Variants in UNC13C observed in about 807,000 individuals in gnomAD.
UNC13C encodes protein unc-13 homolog C.
A neutral mutation model predicts 245.4 loss-of-function variants in UNC13C; 174 were observed. The ratio of observed to expected loss-of-function variants is 0.71; its 90% CI spans 0.63 to 0.80. UNC13C has a LOEUF of 0.80. Ranked by LOEUF, UNC13C falls within the 30% of genes least tolerant of loss-of-function variation. The pLI is 0.00. For synonymous variants in UNC13C, 992 were observed against 895.1 expected, an observed-to-expected ratio of 1.11 and a Z score of -1.93; for missense variants, 2,829 against 2,602.9, an observed-to-expected ratio of 1.09 and a Z score of -1.89.
Position 54,015,489 on chromosome 15 carries a change from G to A in UNC13C, c.2586G>A (p.Glu862=), listed in dbSNP as rs369147613. The A allele has an allele frequency of 9.3e-6, 15 of 1,612,780 alleles. No individual in the cohort carries two copies. The highest frequency in any genetic ancestry group is 1.0e-5 in the Non-Finnish European group (12 of 1,179,102). The change falls in exon 2 of 33, where the codon GAG becomes GAA. Residue 862 remains glutamate, a synonymous_variant. Transcript: ENST00000260323. ...CGGAGCCCTATTACTATAAAGCAGAGGATGAGGAAGATTATACTGAACCAG... is the reference window on the plus strand; with the variant it reads ...CGGAGCCCTATTACTATAAAGCAGAAGATGAGGAAGATTATACTGAACCAG... ...VYTEPYYYKA[E]DEEDYTEPVA...
At chr15:54,063,513 A>AT (rs202099943) in intron 2 of UNC13C, among the ~76,000 whole-genome samples, 40 of 149,894 alleles carry the variant, frequency 2.7e-4, no homozygotes, top group Admixed American at 6.0e-4. Flanking sequence ...TGGTTATTTG[A>AT]TTTTTTTTTT....
At chr15:54,163,792 G>A (rs1432396849) in intron 4 of UNC13C, among the ~76,000 whole-genome samples, 2 of 152,154 alleles carry the variant, frequency 1.3e-5, no homozygotes, top group Non-Finnish European at 2.9e-5. Context: ...AATAATTTTG[G>A]AGAGTGAAGT....
Position 54,627,229 on chromosome 15 carries a change from A to G in UNC13C, c.*116A>G. The G allele has an allele frequency of 9.0e-7, 1 of 1,105,982 alleles. No individual in the cohort carries two copies. The highest frequency in any genetic ancestry group is 1.3e-6 in the Non-Finnish European group (1 of 797,014). The allele number at this position is 1,105,982 out of a possible 1,614,324, so 68.5% of individuals were successfully genotyped here. A position where few individuals can be genotyped will look rare whatever the true frequency, so the allele number is the denominator to read the frequency against. ...CAATGTTTGCCAGTACTCATGTACG[A>G]TGTCTACAAGGTATGTAAAAAACCT... On this transcript the variant is annotated 3_prime_UTR_variant, in exon 33 of 33. Coordinates refer to ENST00000260323, the MANE Select transcript of UNC13C (RefSeq NM_001080534.3).
chr15:54,021,467 A>C (rs1214153081), intron 2 of UNC13C, among the ~76,000 whole-genome samples: 1 of 152,190 alleles, frequency 6.6e-6, no homozygotes, highest in Non-Finnish European at 1.5e-5. Flanking sequence ...TGCCTGACTT[A>C]TTTCACTTAG....
intron 25 of UNC13C, among the ~76,000 whole-genome samples, chr15:54,526,740 GAAAAAAAAAAAAA>G (rs1164016477): frequency 1.2e-3 from 77 of 63,114 alleles, no homozygotes; most frequent in African/African-American, 3.9e-3. Context: ...ACTCCGTCTA[GAAAAAAAAAAAAA>G]AAAAAAAAAA....
chr15:54,410,699 C>A (rs1029095618), intron 18 of UNC13C, among the ~76,000 whole-genome samples: 1 of 152,042 alleles, frequency 6.6e-6, no homozygotes, highest in African/African-American at 2.4e-5. Context: ...GCTCTCTGTT[C>A]TGTTCCATTG....
chr15:54,314,143 G>C (rs949274176), intron 13 of UNC13C, among the ~76,000 whole-genome samples: 8 of 151,508 alleles, frequency 5.3e-5, no homozygotes, highest in Admixed American at 2.0e-4. Flanking sequence ...CAGGGTCTTA[G>C]GGAAAGGAGG....
At chr15:54,228,023 G>C (rs184999441) in intron 4 of UNC13C, among the ~76,000 whole-genome samples, 2 of 152,262 alleles carry the variant, frequency 1.3e-5, no homozygotes. Flanking sequence ...GAATCTACCT[G>C]GTGCTCTATT....
At chr15:54,125,785 C>A (rs1387507822) in intron 2 of UNC13C, among the ~76,000 whole-genome samples, 1 of 152,106 alleles carries the variant, frequency 6.6e-6, no homozygotes, top group Non-Finnish European at 1.5e-5. Context: ...ACTTCTATAT[C>A]ATTATGTGCC....
chr15:54,121,067 T>A (rs2141194157), intron 2 of UNC13C, among the ~76,000 whole-genome samples: 1 of 152,278 alleles, frequency 6.6e-6, no homozygotes, highest in African/African-American at 2.4e-5. Flanking sequence ...CAGCAGCGTT[T>A]GAGAGGATGG....
rs2035737047 is a variant in UNC13C, at chr15:54,237,621, C to A, written c.3159C>A (p.Thr1053=). 6.2e-7 allele frequency: 1 copy of A among 1,611,222 alleles called. No individual in the cohort carries two copies. Among genetic ancestry groups the A allele is most frequent in the Non-Finnish European group, 8.5e-7 (1 of 1,178,818 alleles). The change falls in exon 7 of 33, where the codon ACC becomes ACA. Residue 1053 remains threonine (T), a splice_region_variant and synonymous_variant. Coordinates refer to ENST00000260323, the MANE Select transcript of UNC13C (RefSeq NM_001080534.3). Reference sequence around the variant, plus strand: ...AGTCATAATTCTGTTTGTTTTAGACCCTGGCTGCCCGGAAATCTGGACTCT... The same window carrying A: ...AGTCATAATTCTGTTTGTTTTAGACACTGGCTGCCCGGAAATCTGGACTCT... ...TLPIVRDVAM[T]LAARKSGLSL...
At chr15:54,376,573 G>C (rs966013415) in intron 17 of UNC13C, among the ~76,000 whole-genome samples, 1 of 152,156 alleles carries the variant, frequency 6.6e-6, no homozygotes, top group African/African-American at 2.4e-5. Flanking sequence ...TAGTCTTCCT[G>C]TCATAGTTTG....
the UNC13C span, among the ~76,000 whole-genome samples, chr15:53,970,907 A>AT: frequency 6.6e-6 from 1 of 152,150 alleles, no homozygotes; most frequent in Non-Finnish European, 1.5e-5. Context: ...TGTTTATTCT[A>AT]TTTTTGAATT....
At chr15:54,018,518 T>A (rs1236586887) in intron 2 of UNC13C, among the ~76,000 whole-genome samples, 1 of 152,212 alleles carries the variant, frequency 6.6e-6, no homozygotes, top group Non-Finnish European at 1.5e-5. Flanking sequence ...TTAAACAGCA[T>A]TCCAGTAGGA....
chr15:54,457,666 G>T (rs1307253394), intron 19 of UNC13C, among the ~76,000 whole-genome samples: 1 of 151,966 alleles, frequency 6.6e-6, no homozygotes, highest in Non-Finnish European at 1.5e-5. Flanking sequence ...TGTGCATATA[G>T]GTGTTCAAAT....
chr15:54,064,468 A>G (rs1169163118), intron 2 of UNC13C, among the ~76,000 whole-genome samples: 1 of 152,204 alleles, frequency 6.6e-6, no homozygotes, highest in South Asian at 2.1e-4. Flanking sequence ...TCAGCAGAGA[A>G]TAAATTTGTA....
intron 17 of UNC13C, among the ~76,000 whole-genome samples, chr15:54,370,124 G>C (rs1441795320): frequency 1.3e-5 from 2 of 152,126 alleles, no homozygotes; most frequent in African/African-American, 4.8e-5. Context: ...TTTTCTTAAT[G>C]TGTTTATTAA....
intron 16 of UNC13C, 135 bp downstream of exon 16, chr15:54,333,991 A>C (rs1374915466): frequency 1.7e-6 from 1 of 588,682 alleles, no homozygotes; most frequent in African/African-American, 1.9e-5. Context: ...TCTTTGCCTG[A>C]ACTCGATGAA....
intron 4 of UNC13C, among the ~76,000 whole-genome samples, chr15:54,176,748 A>G (rs189890212): frequency 2.6e-5 from 4 of 152,116 alleles, no homozygotes; most frequent in Admixed American, 1.3e-4. Context: ...CATGGGTTTA[A>G]TATTTGAAGA....
Sources: gnomAD v4.1 joint callset for allele counts (sites outside exome capture counted in the v4.1 genomes callset) on GRCh38, gnomAD v4.1.1 for gene constraint, MANE v1.5 for transcripts, NCBI Gene and HGNC (gene_info 2026-07-23, HGNC 2026-07-21) for gene names.